STX17: variants seen among roughly 807,000 people sequenced by gnomAD.
STX17 encodes the protein syntaxin-17.
STX17 carries 29 observed loss-of-function variants against 35.9 expected under a neutral mutation model. The observed-to-expected ratio is 0.81, with a 90% CI of 0.60 to 1.10. STX17 has a LOEUF of 1.10. Ranked by LOEUF, STX17 falls within the 50% of genes least tolerant of loss-of-function variation. STX17 has a pLI of 0.00. For missense variants in STX17, 312 were observed against 352.3 expected (o/e 0.89, Z 0.92); for synonymous variants, 92 against 118.3 (o/e 0.78, Z 1.44).
chr9:99,928,881 A>G lies in STX17; in HGVS notation c.189+38A>G, dbSNP rs759785158. The G allele has an allele frequency of 8.8e-6, 14 of 1,589,616 alleles. No individual in the cohort carries two copies. In the African/African-American group the frequency reaches 1.7e-4, roughly 20 times the overall value. ...TATTTTTTCTGCTAAATCAGTATGA[A>G]AAAGACAGTCTTAAGACAATTTTGC... On this transcript the variant is annotated intron_variant, in intron 3 of 7. Coordinates refer to ENST00000259400, the MANE Select transcript of STX17 (RefSeq NM_017919.3).
At chr9:99,963,919 A>G (rs529108248) in intron 6 of STX17, among the ~76,000 whole-genome samples, 1 of 152,274 alleles carries the variant, frequency 6.6e-6, no homozygotes, top group South Asian at 2.1e-4. Flanking sequence ...TTAGAACCAG[A>G]ATAGCTCAAT....
intron 6 of STX17, among the ~76,000 whole-genome samples, chr9:99,960,740 C>A (rs1829813144): frequency 6.6e-6 from 1 of 152,218 alleles, no homozygotes; most frequent in Non-Finnish European, 1.5e-5. Flanking sequence ...CCACGCCCTG[C>A]TGCCTTTGAG....
rs944984548 is a variant in STX17, at chr9:99,970,893, C to T, written c.*2220C>T. 6.6e-6 allele frequency among the ~76,000 whole-genome samples: 1 copy of T among 152,190 alleles called. No homozygotes were observed. The highest frequency in any genetic ancestry group is 1.5e-5 in the Non-Finnish European group (1 of 68,034). On this transcript the variant is annotated 3_prime_UTR_variant, in exon 8 of 8. Transcript: ENST00000259400. ...TTGGTATTGGTATCTCTCATTTTTA[C>T]TGAGCCAGTGTGGAATACCACTGTA...
intron 3 of STX17, among the ~76,000 whole-genome samples, chr9:99,946,935 T>A (rs1368319992): frequency 6.6e-6 from 1 of 152,088 alleles, no homozygotes; most frequent in East Asian, 1.9e-4. Flanking sequence ...TCTGGCTAGG[T>A]GTATTTTTCC....
intron 2 of STX17, among the ~76,000 whole-genome samples, chr9:99,927,581 T>A (rs1010007374): frequency 2.0e-5 from 3 of 152,140 alleles, no homozygotes; most frequent in Admixed American, 6.5e-5. Flanking sequence ...GTTCAAGCGA[T>A]CTCCTGCCTC....
At chr9:99,968,293 C>T in intron 7 of STX17, 141 bp from the exon 8 acceptor site, 1 of 1,041,692 alleles carries the variant, frequency 9.6e-7, no homozygotes, top group Non-Finnish European at 1.3e-6. Flanking sequence ...TTCTTTTCCC[C>T]CCTACAAGTA....
At chr9:99,921,322 CT>C (rs897601445) in intron 2 of STX17, among the ~76,000 whole-genome samples, 3 of 151,820 alleles carry the variant, frequency 2.0e-5, no homozygotes, top group Admixed American at 6.6e-5. Context: ...TTCCATAAGA[CT>C]TTTTTTTATA....
chr9:99,955,888 C>T lies in STX17; in HGVS notation c.416-4029C>T, dbSNP rs1315965308. Among the ~76,000 whole-genome samples the T allele has an allele frequency of 3.9e-5, 6 of 152,094 alleles. No individual in the cohort carries two copies. The East Asian group carries it at 1.2e-3, about 29-fold the overall frequency. ...TTCTGTAGGCAGATCTAAAGTTCTT[C>T]AGCTTTCTTTCCTGAAACTATAATC... On this transcript the variant is annotated intron_variant, in intron 4 of 7. Coordinates refer to ENST00000259400, the MANE Select transcript of STX17 (RefSeq NM_017919.3).
rs1414101265 is a variant in STX17 at position 99,972,647 on chromosome 9, C to G, written c.*3974C>G. On this transcript the variant is annotated 3_prime_UTR_variant, in exon 8 of 8. Transcript: ENST00000259400. The stretch of plus-strand genomic sequence containing the variant: ...TTTGTACAGGAGTAAGAATCAAATA[C>G]TGGTAACATCAATCACAAGAAGTTG... Among the ~76,000 whole-genome samples the G allele has an allele frequency of 6.6e-6, 1 of 152,182 alleles. No homozygotes were observed. Among genetic ancestry groups the G allele is most frequent in the African/African-American group, 2.4e-5 (1 of 41,458 alleles).
At chr9:99,914,154 A>G (rs897515904) in intron 1 of STX17, 1 of 152,114 alleles carries the variant, frequency 6.6e-6, no homozygotes, top group Non-Finnish European at 1.5e-5. Context: ...CAAAGTCTGT[A>G]TGTGAATTCC....
chr9:99,970,070 CCTTA>C lies in STX17; in HGVS notation c.*1402_*1405del, dbSNP rs1326866525. On this transcript the variant is annotated 3_prime_UTR_variant, in exon 8 of 8. Transcript: ENST00000259400. ...TTAAAATAGGAGGAATCACTTTTTG[CCTTA>C]CTTAACGCTTTTTTCTGAGCACAGG... 6.6e-6 allele frequency: 1 copy of C among 152,350 alleles called. No individual in the cohort carries two copies. Among genetic ancestry groups the C allele is most frequent in the African/African-American group, 2.4e-5 (1 of 41,448 alleles). The allele number at this position is 152,350 out of a possible 1,614,324, so 9.4% of individuals were successfully genotyped here. A position where few individuals can be genotyped will look rare whatever the true frequency, so the allele number is the denominator to read the frequency against.
chr9:99,929,079 T>A (rs971060989), intron 3 of STX17: 1 of 346,286 alleles, frequency 2.9e-6, no homozygotes, highest in South Asian at 6.4e-5. Flanking sequence ...TCACAAGCAA[T>A]ACATTTTGTA....
At chr9:99,943,278 C>T (rs535191566) in intron 3 of STX17, among the ~76,000 whole-genome samples, 2 of 149,206 alleles carry the variant, frequency 1.3e-5, no homozygotes, top group South Asian at 2.1e-4. Context: ...GGACTACAGG[C>T]GCATACCACC....
intron 2 of STX17, among the ~76,000 whole-genome samples, chr9:99,927,178 A>G (rs1344684147): frequency 6.6e-6 from 1 of 152,170 alleles, no homozygotes; most frequent in Non-Finnish European, 1.5e-5. Flanking sequence ...GAATTCTGAT[A>G]GCCTTGGCAT....
intron 4 of STX17, among the ~76,000 whole-genome samples, chr9:99,958,042 T>C (rs1000099812): frequency 1.3e-5 from 2 of 152,202 alleles, no homozygotes; most frequent in Non-Finnish European, 2.9e-5. Context: ...TATTGATCTT[T>C]TGTGAAAAGC....
intron 3 of STX17, among the ~76,000 whole-genome samples, chr9:99,944,266 T>G (rs1829430771): frequency 6.6e-6 from 1 of 152,060 alleles, no homozygotes; most frequent in African/African-American, 2.4e-5. Flanking sequence ...GCTTGGTTAA[T>G]CTATTGTATT....
At chr9:99,925,024 T>C (rs1444955311) in intron 2 of STX17, among the ~76,000 whole-genome samples, 3 of 152,158 alleles carry the variant, frequency 2.0e-5, no homozygotes, top group Non-Finnish European at 4.4e-5. Context: ...AAATCTACCG[T>C]CTTGCTATTT....
intron 2 of STX17, chr9:99,916,243 C>A: frequency 3.0e-6 from 1 of 338,810 alleles, no homozygotes; most frequent in Non-Finnish European, 5.8e-6. Context: ...GGTGAAGTGG[C>A]TGTGGCATTT....
chr9:99,956,112 T>TA (rs1829705430), intron 4 of STX17, among the ~76,000 whole-genome samples: 1 of 152,132 alleles, frequency 6.6e-6, no homozygotes, highest in African/African-American at 2.4e-5. Flanking sequence ...CAGGGTTTTT[T>TA]ATGGAAGAGC....
Sources: allele counts gnomAD v4.1 joint callset (sites outside exome capture counted in the v4.1 genomes callset), GRCh38; gene constraint gnomAD v4.1.1; transcripts MANE v1.5; gene names NCBI Gene and HGNC (gene_info 2026-07-23, HGNC 2026-07-21).